The following DEPTOR variants were observed in gnomAD, a reference collection of about 807,000 sequenced individuals.
DEPTOR encodes the protein DEP domain-containing mTOR-interacting protein.
In DEPTOR, 41 loss-of-function variants were observed where a neutral mutation model predicts 41.6. The observed-to-expected ratio is 0.98, with a 90% confidence interval of 0.77 to 1.28. The LOEUF (loss-of-function observed/expected upper bound fraction) is 1.28, where lower values mean the gene tolerates loss of function less well. Ranked by LOEUF, DEPTOR falls within the 50% of genes most tolerant of loss-of-function variation. DEPTOR has a pLI of 0.00. For synonymous variants in DEPTOR, 195 were observed against 192.3 expected, an observed-to-expected ratio of 1.01 and a Z score of -0.12; for missense variants, 514 against 527.9, an observed-to-expected ratio of 0.97 and a Z score of 0.26.
intron 4 of DEPTOR, among the ~76,000 whole-genome samples, chr8:119,975,870 CTTTTTTTTTTTTTT>C (rs34482727): frequency 2.9e-4 from 19 of 65,270 alleles, no homozygotes; most frequent in African/African-American, 1.2e-3. Context: ...ATGCTTGCTC[CTTTTTTTTTTTTTT>C]TTTTTTTTTT....
chr8:119,966,733 T>A (rs949662929), intron 4 of DEPTOR, among the ~76,000 whole-genome samples: 1 of 152,158 alleles, frequency 6.6e-6, no homozygotes, highest in Admixed American at 6.5e-5. Context: ...CACCTTGGCC[T>A]CCCGAAGAAC....
At chr8:119,957,617 C>G (rs1828434904) in intron 3 of DEPTOR, among the ~76,000 whole-genome samples, 3 of 142,766 alleles carry the variant, frequency 2.1e-5, no homozygotes, top group Admixed American at 7.4e-5. Context: ...CAGACAGAGT[C>G]TTGCTCTGTC....
chr8:120,031,234 AGGTG>A (rs777136567), intron 8 of DEPTOR, among the ~76,000 whole-genome samples: 1 of 152,106 alleles, frequency 6.6e-6, no homozygotes, highest in Non-Finnish European at 1.5e-5. Flanking sequence ...TGGGAGGCCA[AGGTG>A]GGTGGATCAC....
chr8:119,938,944 G>GCTCTCT (rs139892847), intron 3 of DEPTOR, among the ~76,000 whole-genome samples: 6,766 of 125,814 alleles, frequency 0.054, 343 homozygotes, highest in African/African-American at 0.14. Context: ...GTTCCTTCTT[G>GCTCTCT]CTCTCTCTCT....
intron 4 of DEPTOR, among the ~76,000 whole-genome samples, chr8:119,975,528 A>C (rs758553934): frequency 7.2e-5 from 11 of 152,152 alleles, no homozygotes; most frequent in Non-Finnish European, 1.6e-4. Context: ...ACTAAATAGG[A>C]GACTTAGGGC....
At chr8:119,905,632 CT>C (rs35630187) in intron 1 of DEPTOR, among the ~76,000 whole-genome samples, 29,074 of 136,058 alleles carry the variant, frequency 0.21, 2,978 homozygotes, top group African/African-American at 0.34. Context: ...TTTATATGGG[CT>C]TTTTTTTTTT....
chr8:120,001,416 A>C, intron 4 of DEPTOR, 109 bp from the exon 5 acceptor site: 1 of 956,724 alleles, frequency 1.0e-6, no homozygotes, highest in East Asian at 2.6e-5. Context: ...TGTGGAAGAG[A>C]AGTCTTTCTT....
intron 3 of DEPTOR, among the ~76,000 whole-genome samples, chr8:119,934,950 A>G (rs1828089957): frequency 6.6e-6 from 1 of 152,194 alleles, no homozygotes; most frequent in African/African-American, 2.4e-5. Flanking sequence ...CGCATCAGAT[A>G]TGAGTGTATG....
At chr8:119,958,363 C>T (rs576790967) in intron 3 of DEPTOR, among the ~76,000 whole-genome samples, 9 of 152,216 alleles carry the variant, frequency 5.9e-5, no homozygotes, top group African/African-American at 1.9e-4. Context: ...GGAGGGCATT[C>T]CAAGGGGCAA....
intron 3 of DEPTOR, among the ~76,000 whole-genome samples, chr8:119,955,512 G>A (rs549115474): frequency 6.6e-6 from 1 of 151,400 alleles, no homozygotes; most frequent in South Asian, 2.1e-4. Flanking sequence ...TATTGCCCAG[G>A]CTGGAGTGCA....
Position 119,951,962 on chromosome 8 carries a change from C to T in DEPTOR, c.426-13270C>T, listed in dbSNP as rs1239893688. On this transcript the variant is annotated intron_variant, in intron 3 of 8. Coordinates refer to ENST00000286234, the MANE Select transcript of DEPTOR (RefSeq NM_022783.4). Reference sequence around the variant, plus strand: ...GACAAGCCTGGGCAACATGGCAAAACCCTGTCTACTAAAAATACAAAAATT... The same window carrying T: ...GACAAGCCTGGGCAACATGGCAAAATCCTGTCTACTAAAAATACAAAAATT... Among the ~76,000 whole-genome samples, 3 of 152,090 alleles carry T rather than the reference C, an allele frequency of 2.0e-5. No homozygotes were observed. The East Asian group carries it at 5.8e-4, about 29-fold the overall frequency.
rs535795472 is a variant in DEPTOR at position 119,957,113 on chromosome 8, G to A, written c.426-8119G>A. ...TAGCTCACTGCAACTTTGAACTCCT[G>A]GGCTCAAGGGATCTTCCTGCCTTAG... On this transcript the variant is annotated intron_variant, in intron 3 of 8. Transcript: ENST00000286234. Among the ~76,000 whole-genome samples the A allele has an allele frequency of 3.8e-4, 58 of 152,254 alleles. 2 individuals are homozygous for A. In the South Asian group the frequency reaches 0.011, roughly 29 times the overall value.
At chr8:120,017,496 C>T (rs990120276) in intron 8 of DEPTOR, among the ~76,000 whole-genome samples, 2 of 152,186 alleles carry the variant, frequency 1.3e-5, no homozygotes, top group Non-Finnish European at 2.9e-5. Context: ...TCGTGTCTTC[C>T]GCAGAGAGAA....
intron 3 of DEPTOR, among the ~76,000 whole-genome samples, chr8:119,962,916 A>G (rs1828511338): frequency 6.6e-6 from 1 of 152,164 alleles, no homozygotes; most frequent in African/African-American, 2.4e-5. Flanking sequence ...AGAGGGGCCA[A>G]GGACAATGCC....
At chr8:119,980,231 T>G (rs1828745220) in intron 4 of DEPTOR, among the ~76,000 whole-genome samples, 1 of 151,752 alleles carries the variant, frequency 6.6e-6, no homozygotes, top group Non-Finnish European at 1.5e-5. Context: ...CTCCAAAATA[T>G]TATCATTTAA....
At chr8:119,923,519 C>T (rs962940639) in intron 1 of DEPTOR, among the ~76,000 whole-genome samples, 3 of 152,094 alleles carry the variant, frequency 2.0e-5, no homozygotes, top group Non-Finnish European at 2.9e-5. Context: ...TGAGATTATA[C>T]GTGTGAGCCA....
intron 1 of DEPTOR, among the ~76,000 whole-genome samples, chr8:119,903,492 A>G (rs1054859981): frequency 1.3e-5 from 2 of 152,214 alleles, no homozygotes; most frequent in African/African-American, 4.8e-5. Flanking sequence ...TGGTTGATTA[A>G]CATACCATCT....
At chr8:119,943,330 G>A (rs893851811) in intron 3 of DEPTOR, among the ~76,000 whole-genome samples, 5 of 152,222 alleles carry the variant, frequency 3.3e-5, no homozygotes, top group African/African-American at 7.2e-5. Context: ...TTGACTCACA[G>A]TTCTGCATGA....
At chr8:120,004,543 G>C (rs567702263) in intron 6 of DEPTOR, among the ~76,000 whole-genome samples, 59 of 152,270 alleles carry the variant, frequency 3.9e-4, no homozygotes, top group African/African-American at 1.4e-3. Flanking sequence ...ACAAGTTTTT[G>C]ATTGCTTATG....
Sources: allele counts gnomAD v4.1 joint callset (sites outside exome capture counted in the v4.1 genomes callset), GRCh38; gene constraint gnomAD v4.1.1; transcripts MANE v1.5; gene names NCBI Gene and HGNC (gene_info 2026-07-23, HGNC 2026-07-21).